Variants in RBMS3 observed in about 807,000 individuals in gnomAD.
The protein encoded by RBMS3 is RNA binding motif single stranded interacting protein 3.
Under a neutral mutation model 66.8 loss-of-function variants are expected in RBMS3, and 27 were observed. The observed-to-expected ratio is 0.40, with a 90% confidence interval of 0.30 to 0.56. The LOEUF is 0.56. Among genes scored for constraint, RBMS3 ranks in the 20% least tolerant of loss-of-function variants. The pLI is 0.40. For synonymous variants in RBMS3, 188 were observed against 183.0 expected (o/e 1.03, Z -0.22); for missense variants, 513 against 549.5 (o/e 0.93, Z 0.66).
At chr3:29,695,653 A>T (rs2052237889) in intron 4 of RBMS3, among the ~76,000 whole-genome samples, 1 of 152,172 alleles carries the variant, frequency 6.6e-6, no homozygotes, top group African/African-American at 2.4e-5. Context: ...AACCATTGTG[A>T]ACTCTCAGAG....
intron 3 of RBMS3, among the ~76,000 whole-genome samples, chr3:29,569,480 A>G (rs1408308778): frequency 6.6e-6 from 1 of 152,188 alleles, no homozygotes; most frequent in Non-Finnish European, 1.5e-5. Context: ...TCATGGTACA[A>G]TTACATGACT....
intron 1 of RBMS3, among the ~76,000 whole-genome samples, chr3:29,425,555 T>C (rs1009983345): frequency 1.3e-5 from 2 of 151,888 alleles, no homozygotes; most frequent in African/African-American, 4.8e-5. Flanking sequence ...GGGGAATTGC[T>C]TGAACCAAGG....
At chr3:29,959,588 G>T (rs941808450) in intron 12 of RBMS3, among the ~76,000 whole-genome samples, 1 of 152,146 alleles carries the variant, frequency 6.6e-6, no homozygotes, top group Non-Finnish European at 1.5e-5. Context: ...GATTAAAACA[G>T]TGGGAGGTAT....
At chr3:29,291,139 T>A (rs6549922) in intron 1 of RBMS3, among the ~76,000 whole-genome samples, 1 of 151,802 alleles carries the variant, frequency 6.6e-6, no homozygotes, top group Admixed American at 6.6e-5. Context: ...ATTATGTTTT[T>A]TAGATATGCA....
At chr3:29,885,793 A>G (rs2059855876) in intron 8 of RBMS3, among the ~76,000 whole-genome samples, 1 of 151,772 alleles carries the variant, frequency 6.6e-6, no homozygotes, top group Non-Finnish European at 1.5e-5. Context: ...AGTATGTATT[A>G]TGTATGTATA....
At chr3:29,603,531 A>G (rs1053087527) in intron 4 of RBMS3, among the ~76,000 whole-genome samples, 2 of 151,972 alleles carry the variant, frequency 1.3e-5, no homozygotes, top group Admixed American at 1.3e-4. Flanking sequence ...AGGAAAATTA[A>G]TATTGGCATC....
intron 6 of RBMS3, among the ~76,000 whole-genome samples, chr3:29,795,761 A>G (rs1481464811): frequency 2.0e-5 from 3 of 152,224 alleles, no homozygotes; most frequent in Non-Finnish European, 4.4e-5. Flanking sequence ...AAAAAGGTCC[A>G]TTCCAATTCC....
chr3:29,834,279 A>G (rs2058448009), intron 6 of RBMS3, among the ~76,000 whole-genome samples: 1 of 152,112 alleles, frequency 6.6e-6, no homozygotes, highest in Non-Finnish European at 1.5e-5. Context: ...GTAAAAGTAA[A>G]TATATAAGCA....
intron 6 of RBMS3, among the ~76,000 whole-genome samples, chr3:29,803,676 A>G (rs1271632899): frequency 6.6e-6 from 1 of 152,058 alleles, no homozygotes; most frequent in Admixed American, 6.6e-5. Context: ...ATAACATTAG[A>G]TATGTAAAAT....
intron 1 of RBMS3, among the ~76,000 whole-genome samples, chr3:29,301,750 T>A (rs1575499138): frequency 6.6e-6 from 1 of 152,054 alleles, no homozygotes; most frequent in East Asian, 1.9e-4. Flanking sequence ...AACTTTAGCA[T>A]GCTTAAGAAG....
chr3:29,671,383 G>A (rs1315399725), intron 4 of RBMS3, among the ~76,000 whole-genome samples: 1 of 152,138 alleles, frequency 6.6e-6, no homozygotes, highest in African/African-American at 2.4e-5. Context: ...TCCTCCAAAC[G>A]AACACAGCTC....
chr3:29,879,543 C>A (rs1026660721), intron 7 of RBMS3, among the ~76,000 whole-genome samples: 1 of 152,000 alleles, frequency 6.6e-6, no homozygotes, highest in African/African-American at 2.4e-5. Flanking sequence ...ATAAAATATT[C>A]AACATTTTCT....
intron 4 of RBMS3, among the ~76,000 whole-genome samples, chr3:29,610,777 C>T (rs978214530): frequency 1.3e-5 from 2 of 152,044 alleles, no homozygotes; most frequent in South Asian, 2.1e-4. Flanking sequence ...TAGAGCATGA[C>T]ACCATATTTT....
intron 1 of RBMS3, among the ~76,000 whole-genome samples, chr3:29,291,234 T>G (rs2032786321): frequency 1.3e-5 from 2 of 151,952 alleles, no homozygotes; most frequent in African/African-American, 4.8e-5. Flanking sequence ...CCAGTGTTTT[T>G]GTAGGTCTTT....
In RBMS3 at chr3:29,289,360, A is replaced by G. The variant is rs566804469; in HGVS notation, c.75+7604A>G. On this transcript the variant is annotated intron_variant, in intron 1 of 14. Coordinates refer to ENST00000383767, the MANE Select transcript of RBMS3 (RefSeq NM_001003793.3). Reference sequence around the variant, plus strand: ...GCTCTGAGGTGGGTAGCCTGTCTTTAACACAGAAAAGAGTTTAGGAACTCC... The same window carrying G: ...GCTCTGAGGTGGGTAGCCTGTCTTTGACACAGAAAAGAGTTTAGGAACTCC... Among the ~76,000 whole-genome samples the G allele has an allele frequency of 2.0e-4, 31 of 152,038 alleles. No individual in the cohort carries two copies. The South Asian group carries it at 6.4e-3, about 31-fold the overall frequency.
At chr3:29,925,758 G>A (rs893365516) in intron 10 of RBMS3, among the ~76,000 whole-genome samples, 1 of 152,054 alleles carries the variant, frequency 6.6e-6, no homozygotes, top group African/African-American at 2.4e-5. Flanking sequence ...AGTGGGGCTG[G>A]GGTTCACCTG....
At position 29,663,139 on chromosome 3, in the gene RBMS3, T is replaced by C. The variant is rs562452027; in HGVS notation, c.399+75934T>C. Among the ~76,000 whole-genome samples, 7 of 152,338 alleles carry C rather than the reference T, an allele frequency of 4.6e-5. No homozygotes were observed. In the East Asian group the frequency reaches 1.4e-3, roughly 29 times the overall value. On this transcript the variant is annotated intron_variant, in intron 4 of 14. Coordinates refer to ENST00000383767, the MANE Select transcript of RBMS3 (RefSeq NM_001003793.3). ...TCTCATAGAGTAGGTACTCAAAATA[T>C]ATGTGTGAAATTAATGTTGCCTCTC...
At chr3:29,535,881 GATTT>G (rs1229843611) in intron 3 of RBMS3, among the ~76,000 whole-genome samples, 2 of 151,652 alleles carry the variant, frequency 1.3e-5, no homozygotes, top group Non-Finnish European at 2.9e-5. Flanking sequence ...CTAGTTAAGT[GATTT>G]ATTTATGGTC....
intron 4 of RBMS3, among the ~76,000 whole-genome samples, chr3:29,712,797 C>T (rs1466739073): frequency 6.6e-6 from 1 of 152,164 alleles, no homozygotes; most frequent in Non-Finnish European, 1.5e-5. Flanking sequence ...CAGGTTCAAA[C>T]TTCAGACTCT....
Sources: gnomAD v4.1 joint callset for allele counts (sites outside exome capture counted in the v4.1 genomes callset) on GRCh38, gnomAD v4.1.1 for gene constraint, MANE v1.5 for transcripts, NCBI Gene and HGNC (gene_info 2026-07-23, HGNC 2026-07-21) for gene names.